Variants in MCTP1 observed in about 807,000 individuals in gnomAD.
MCTP1 encodes the protein multiple C2 and transmembrane domain-containing protein 1.
Under a neutral mutation model 120.6 loss-of-function variants are expected in MCTP1, and 69 were observed. That is an observed-to-expected ratio of 0.57 (90% CI 0.47 to 0.70). The LOEUF is 0.70. MCTP1 is among the 30% of genes least tolerant of loss of function. The probability of loss-of-function intolerance (pLI) is 0.00; values close to 1 mark genes in which losing one functional copy is unlikely to be tolerated. For missense variants in MCTP1, 1,203 were observed against 1,248.8 expected, an observed-to-expected ratio of 0.96 and a Z score of 0.55; for synonymous variants, 529 against 493.1, an observed-to-expected ratio of 1.07 and a Z score of -0.96.
intron 12 of MCTP1, among the ~76,000 whole-genome samples, chr5:94,881,559 G>T (rs1227463376): frequency 6.6e-6 from 1 of 151,910 alleles, no homozygotes; most frequent in African/African-American, 2.4e-5. Flanking sequence ...TGGCTTTTGT[G>T]GAAAGATCTA....
At chr5:95,143,052 A>G (rs1760073745) in intron 1 of MCTP1, among the ~76,000 whole-genome samples, 1 of 152,168 alleles carries the variant, frequency 6.6e-6, no homozygotes, top group South Asian at 2.1e-4. Context: ...AGCAACAAGA[A>G]TATGGGTTAC....
chr5:94,793,737 T>A (rs537668805), intron 18 of MCTP1: 1 of 152,386 alleles, frequency 6.6e-6, no homozygotes, highest in South Asian at 2.1e-4. Flanking sequence ...TATTCAGTAT[T>A]CCACATATTC....
intron 17 of MCTP1, among the ~76,000 whole-genome samples, chr5:94,865,796 A>G (rs985312651): frequency 2.6e-5 from 4 of 151,940 alleles, no homozygotes; most frequent in African/African-American, 9.7e-5. Context: ...GCCTTGGGCA[A>G]GCTACTTAAC....
Position 94,799,026 on chromosome 5 carries a change from C to T in MCTP1, c.2543G>A (p.Arg848Lys), listed in dbSNP as rs866642399. The T allele has an allele frequency of 1.2e-6, 2 of 1,611,638 alleles. No homozygotes were observed. Among genetic ancestry groups the T allele is most frequent in the Middle Eastern group, 1.7e-4 (1 of 6,050 alleles). ...YFLIISGKDN[R>K]QRDTVVEDML... ...GTAGAGACTTACTGTATCACGTTGC[C>T]TGTTATCTTTCCCTGATATTATCAA... The change falls in exon 18 of 23, where the codon AGG becomes AAG. Residue 848 changes from arginine (R) to lysine (K), a missense_variant. This residue lies in a region of MCTP1 where 740 missense variants were observed against 871.1 expected (regional missense o/e 0.85). Coordinates refer to ENST00000515393, the MANE Select transcript of MCTP1 (RefSeq NM_024717.7).
chr5:95,087,399 C>T (rs948217642), intron 1 of MCTP1, among the ~76,000 whole-genome samples: 4 of 152,150 alleles, frequency 2.6e-5, no homozygotes, highest in Admixed American at 2.0e-4. Context: ...TGCTGATCAG[C>T]GTCTTGGACC....
At chr5:94,892,817 C>T (rs1802981606) in intron 11 of MCTP1, among the ~76,000 whole-genome samples, 1 of 152,156 alleles carries the variant, frequency 6.6e-6, no homozygotes, top group South Asian at 2.1e-4. Flanking sequence ...TTCTCCAAAA[C>T]AAATGATATT....
chr5:94,810,680 G>A (rs898929150), intron 17 of MCTP1, among the ~76,000 whole-genome samples: 5 of 152,154 alleles, frequency 3.3e-5, no homozygotes, highest in African/African-American at 1.2e-4. Context: ...AGTAGCTGAT[G>A]TGCAGAGTGT....
intron 2 of MCTP1, among the ~76,000 whole-genome samples, chr5:94,976,051 G>A (rs7720804): frequency 0.28 from 42,857 of 151,904 alleles, 6,305 homozygotes; most frequent in South Asian, 0.38. Flanking sequence ...CAGTACTTAA[G>A]TTGCACACCC....
intron 19 of MCTP1, among the ~76,000 whole-genome samples, chr5:94,769,927 T>C (rs370903739): frequency 6.6e-6 from 1 of 152,352 alleles, no homozygotes. Flanking sequence ...ATTTCTTTAA[T>C]ATTTACCTTT....
chr5:95,092,988 C>T (rs1410443265), intron 1 of MCTP1, among the ~76,000 whole-genome samples: 1 of 152,154 alleles, frequency 6.6e-6, no homozygotes, highest in South Asian at 2.1e-4. Context: ...TAAAGAAGCA[C>T]TTACCTTGAG....
At chr5:95,226,410 T>G (rs1754273145) in intron 1 of MCTP1, among the ~76,000 whole-genome samples, 2 of 152,318 alleles carry the variant, frequency 1.3e-5, no homozygotes, top group South Asian at 2.1e-4. Flanking sequence ...CAAAGAATAC[T>G]TAAATGAGCA....
chr5:94,753,563 T>C (rs62365701), intron 19 of MCTP1, among the ~76,000 whole-genome samples: 5,806 of 152,322 alleles, frequency 0.038, 150 homozygotes, highest in Non-Finnish European at 0.056. Context: ...ATAATGATTG[T>C]GGTGTGTAGT....
chr5:95,283,026 T>G (rs1760450313), intron 1 of MCTP1, among the ~76,000 whole-genome samples: 1 of 152,224 alleles, frequency 6.6e-6, no homozygotes, highest in Admixed American at 6.5e-5. Flanking sequence ...CAAAATATTT[T>G]CTAGAATTAA....
At chr5:94,929,804 GT>G in intron 6 of MCTP1, 2 of 339,356 alleles carry the variant, frequency 5.9e-6, no homozygotes, top group Non-Finnish European at 8.3e-6. Context: ...TATGGCAAAT[GT>G]TTTAGGGCAC....
At chr5:95,151,369 C>T (rs774504399) in intron 1 of MCTP1, among the ~76,000 whole-genome samples, 3 of 151,904 alleles carry the variant, frequency 2.0e-5, no homozygotes, top group Non-Finnish European at 2.9e-5. Flanking sequence ...GGTTTTCATC[C>T]TAATCATCTT....
chr5:94,999,462 C>G (rs1435941356), intron 2 of MCTP1, among the ~76,000 whole-genome samples: 5 of 152,098 alleles, frequency 3.3e-5, no homozygotes, highest in African/African-American at 7.2e-5. Flanking sequence ...TTGGCAAAGT[C>G]TATGCACATG....
intron 11 of MCTP1, among the ~76,000 whole-genome samples, chr5:94,892,402 G>A (rs1196236586): frequency 3.3e-5 from 5 of 152,072 alleles, no homozygotes; most frequent in Admixed American, 1.3e-4. Context: ...CTGTGACAAG[G>A]GGGAGCAAGG....
In MCTP1 at chr5:94,744,260, C is replaced by T. The variant is rs192440570; in HGVS notation, c.2611-29374G>A. Reference sequence around the variant, plus strand: ...AAGTGCTCGGATTATAGGCGTGAGCCGTTGAGCTCAGCTTCTCCTGATTTT... The same window carrying T: ...AAGTGCTCGGATTATAGGCGTGAGCTGTTGAGCTCAGCTTCTCCTGATTTT... On this transcript the variant is annotated intron_variant, in intron 19 of 22. Coordinates refer to ENST00000515393, the MANE Select transcript of MCTP1 (RefSeq NM_024717.7). Among the ~76,000 whole-genome samples the T allele has an allele frequency of 4.9e-4, 74 of 152,364 alleles. No homozygotes were observed. In the East Asian group the frequency reaches 0.012, roughly 25 times the overall value.
At chr5:95,209,560 T>C (rs773186689) in intron 1 of MCTP1, among the ~76,000 whole-genome samples, 10 of 152,184 alleles carry the variant, frequency 6.6e-5, no homozygotes, top group Admixed American at 1.3e-4. Context: ...TGATCCAGTC[T>C]CAATTTACTC....
Sources: gnomAD v4.1 joint callset for allele counts (sites outside exome capture counted in the v4.1 genomes callset) on GRCh38, gnomAD v4.1.1 for gene constraint, gnomAD v4.1.1 regional missense constraint, MANE v1.5 for transcripts, NCBI Gene and HGNC (gene_info 2026-07-23, HGNC 2026-07-21) for gene names.